Variants in DTNB observed in about 807,000 individuals in gnomAD.
DTNB encodes DTN-B.
In DTNB, 63 loss-of-function variants were observed where a neutral mutation model predicts 90.7. That is an observed-to-expected ratio of 0.69 (90% CI 0.57 to 0.86). The LOEUF is 0.86. Ranked by LOEUF, DTNB falls within the 40% of genes least tolerant of loss-of-function variation. The probability of loss-of-function intolerance (pLI) is 0.00; values close to 1 mark genes in which losing one functional copy is unlikely to be tolerated. For missense variants in DTNB, 744 were observed against 807.1 expected, an observed-to-expected ratio of 0.92 and a Z score of 0.95; for synonymous variants, 277 against 286.7, an observed-to-expected ratio of 0.97 and a Z score of 0.34.
intron 4 of DTNB, among the ~76,000 whole-genome samples, chr2:25,621,568 T>C (rs2072660092): frequency 2.0e-5 from 3 of 147,510 alleles, no homozygotes; most frequent in Admixed American, 6.8e-5. Flanking sequence ...TGCCTCAGCC[T>C]CCCTAGGATT....
chr2:25,497,692 G>A (rs1575117093), intron 9 of DTNB: 2 of 152,296 alleles, frequency 1.3e-5, no homozygotes, highest in South Asian at 2.1e-4. Context: ...AGGCTCTGAT[G>A]GATGTCTCTG....
chr2:25,418,802 AATGT>A (rs1051297390), intron 16 of DTNB, among the ~76,000 whole-genome samples: 2 of 152,350 alleles, frequency 1.3e-5, no homozygotes, highest in African/African-American at 4.8e-5. Context: ...CAGCTTAAAA[AATGT>A]ATGCTTTGAA....
intron 10 of DTNB, among the ~76,000 whole-genome samples, chr2:25,476,084 T>C (rs1453196051): frequency 9.0e-6 from 1 of 111,084 alleles, no homozygotes; most frequent in African/African-American, 3.7e-5. Flanking sequence ...TTTTTTTTTT[T>C]TGAGAAGTAG....
chr2:25,444,126 T>C (rs920605585), intron 12 of DTNB, among the ~76,000 whole-genome samples: 2 of 152,220 alleles, frequency 1.3e-5, no homozygotes, highest in African/African-American at 4.8e-5. Flanking sequence ...AAAAAAACCC[T>C]TAAAGGTAAA....
chr2:25,609,365 G>A (rs1017667209), intron 4 of DTNB, among the ~76,000 whole-genome samples: 7 of 152,090 alleles, frequency 4.6e-5, no homozygotes, highest in South Asian at 4.1e-4. Context: ...TTGGGAGGCC[G>A]AGGCAGGCAG....
At chr2:25,520,847 C>CACATTAAAGTATTACTGTAATT (rs1558862063) in intron 9 of DTNB, among the ~76,000 whole-genome samples, 1 of 152,032 alleles carries the variant, frequency 6.6e-6, no homozygotes, top group African/African-American at 2.4e-5. Flanking sequence ...AAATTAGAGC[C>CACATTAAAGTATTACTGTAATT]ACATTAAAGT....
chr2:25,569,199 G>GA (rs374555424), intron 8 of DTNB, among the ~76,000 whole-genome samples: 57 of 152,242 alleles, frequency 3.7e-4, no homozygotes, highest in South Asian at 6.2e-4. Flanking sequence ...GCATGGAGCA[G>GA]AAAAAAGCCA....
chr2:25,587,784 A>T (rs1365258524), intron 6 of DTNB, among the ~76,000 whole-genome samples: 2 of 152,194 alleles, frequency 1.3e-5, no homozygotes, highest in African/African-American at 4.8e-5. Flanking sequence ...CAATCTAAGT[A>T]TGCTAGTGAG....
intron 8 of DTNB, among the ~76,000 whole-genome samples, chr2:25,555,035 G>A (rs2057039101): frequency 6.6e-6 from 1 of 151,980 alleles, no homozygotes; most frequent in Non-Finnish European, 1.5e-5. Flanking sequence ...AGTGGCTCAT[G>A]CCTGTAATCC....
chr2:25,504,955 C>T (rs1288115726), intron 9 of DTNB, among the ~76,000 whole-genome samples: 1 of 152,168 alleles, frequency 6.6e-6, no homozygotes, highest in Non-Finnish European at 1.5e-5. Context: ...CAATTTCAAA[C>T]TTACTACTAA....
chr2:25,434,242 C>T lies in DTNB; in HGVS notation c.1258-247G>A, dbSNP rs778079603. Among the ~76,000 whole-genome samples the T allele has an allele frequency of 2.6e-5, 4 of 152,042 alleles. No individual in the cohort carries two copies. In the East Asian group the frequency reaches 5.8e-4, roughly 22 times the overall value. The stretch of plus-strand genomic sequence containing the variant: ...TCCCTCATGCCAGTTTGTCACCAGT[C>T]GCCACTCCCACCCCCAACCTCAGGC... On this transcript the variant is annotated intron_variant, in intron 12 of 20. Transcript: ENST00000406818.
chr2:25,498,303 C>T (rs969967850), intron 9 of DTNB, among the ~76,000 whole-genome samples: 1 of 152,126 alleles, frequency 6.6e-6, no homozygotes, highest in African/African-American at 2.4e-5. Flanking sequence ...GCCAAGCCAA[C>T]AAATCAGACA....
chr2:25,566,238 A>G (rs1353763446), intron 8 of DTNB, among the ~76,000 whole-genome samples: 1 of 152,188 alleles, frequency 6.6e-6, no homozygotes, highest in Non-Finnish European at 1.5e-5. Context: ...GCTGAGACTC[A>G]TCCTCAGCTG....
chr2:25,585,323 A>G (rs2062184812), intron 6 of DTNB, among the ~76,000 whole-genome samples: 1 of 152,172 alleles, frequency 6.6e-6, no homozygotes. Context: ...AATCCTTTTA[A>G]CAGCTGCCTG....
chr2:25,670,687 C>G (rs1465263700), intron 1 of DTNB, among the ~76,000 whole-genome samples: 1 of 152,150 alleles, frequency 6.6e-6, no homozygotes, highest in Non-Finnish European at 1.5e-5. Context: ...AGCTCTGATG[C>G]TCGTGTAATT....
intron 4 of DTNB, among the ~76,000 whole-genome samples, chr2:25,627,331 G>C (rs2074402218): frequency 6.6e-6 from 1 of 152,044 alleles, no homozygotes; most frequent in African/African-American, 2.4e-5. Flanking sequence ...AGAATCGCTT[G>C]AACCCGGGGG....
intron 10 of DTNB, among the ~76,000 whole-genome samples, chr2:25,460,695 GT>G (rs2060797349): frequency 6.6e-6 from 1 of 152,122 alleles, no homozygotes; most frequent in Admixed American, 6.6e-5. Flanking sequence ...GGATTCTGTG[GT>G]TTAGAAGTCA....
intron 1 of DTNB, among the ~76,000 whole-genome samples, chr2:25,653,485 T>C (rs1471315976): frequency 2.0e-5 from 2 of 102,468 alleles, no homozygotes; most frequent in Non-Finnish European, 3.8e-5. Flanking sequence ...CTTGCTTTCT[T>C]TCTTTCTTTC....
chr2:25,636,110 T>C (rs1239259954), intron 3 of DTNB, among the ~76,000 whole-genome samples: 1 of 152,160 alleles, frequency 6.6e-6, no homozygotes, highest in Non-Finnish European at 1.5e-5. Flanking sequence ...TAGTGACCCT[T>C]TCAATAAAAA....
Sources: allele counts gnomAD v4.1 joint callset (sites outside exome capture counted in the v4.1 genomes callset), GRCh38; gene constraint gnomAD v4.1.1; transcripts MANE v1.5; gene names NCBI Gene and HGNC (gene_info 2026-07-23, HGNC 2026-07-21).